PPM1E: variants seen among roughly 807,000 people sequenced by gnomAD.
PPM1E encodes protein phosphatase, Mg2+/Mn2+ dependent 1E, also known as protein phosphatase 1E.
In PPM1E, 20 loss-of-function variants were observed where a neutral mutation model predicts 65.9. That is an observed-to-expected ratio of 0.30 (90% CI 0.21 to 0.44). The LOEUF (loss-of-function observed/expected upper bound fraction) is 0.44, where lower values mean the gene tolerates loss of function less well. PPM1E is among the 20% of genes least tolerant of loss of function. The pLI, the probability that PPM1E is intolerant of heterozygous loss-of-function variation, is 1.00. For missense variants in PPM1E, 713 were observed against 953.1 expected, an observed-to-expected ratio of 0.75 and a Z score of 3.32; for synonymous variants, 352 against 374.9, an observed-to-expected ratio of 0.94 and a Z score of 0.70.
chr17:58,831,720 C>T (rs2050607866), intron 1 of PPM1E, among the ~76,000 whole-genome samples: 1 of 152,202 alleles, frequency 6.6e-6, no homozygotes, highest in Non-Finnish European at 1.5e-5. Flanking sequence ...CCCTATTGGA[C>T]AGTTTGGACT....
At chr17:58,914,907 A>G (rs1361923860) in intron 1 of PPM1E, among the ~76,000 whole-genome samples, 1 of 152,150 alleles carries the variant, frequency 6.6e-6, no homozygotes, top group Non-Finnish European at 1.5e-5. Context: ...CTTAGTACCC[A>G]GGATTGTTAT....
At chr17:58,759,040 C>A (rs2049797288) in intron 1 of PPM1E, among the ~76,000 whole-genome samples, 1 of 152,134 alleles carries the variant, frequency 6.6e-6, no homozygotes, top group African/African-American at 2.4e-5. Context: ...GCTGTCCATT[C>A]CAGCCTGGGT....
rs190269424 is a variant in PPM1E at position 58,936,186 on chromosome 17, T to C, written c.465-19463T>C. 4.2e-3 allele frequency among the ~76,000 whole-genome samples: 634 copies of C among 152,134 alleles called. 20 individuals carry two copies. The highest frequency in any genetic ancestry group is 0.038 in the Admixed American group (585 of 15,266). On this transcript the variant is annotated intron_variant, in intron 1 of 6. Transcript: ENST00000308249. ...GAGGTTGCTATAGAAAGAAAGAAAA[T>C]AGCTTAAATTCAGCCCCAATTTTAA...
intron 2 of PPM1E, among the ~76,000 whole-genome samples, chr17:58,964,387 A>G (rs1394626314): frequency 2.0e-5 from 3 of 152,154 alleles, no homozygotes; most frequent in South Asian, 2.1e-4. Context: ...AGGAAATACA[A>G]TCTCTTCAGT....
intron 2 of PPM1E, among the ~76,000 whole-genome samples, chr17:58,959,556 G>A (rs1304547623): frequency 3.4e-5 from 5 of 145,880 alleles, no homozygotes; most frequent in African/African-American, 5.1e-5. Context: ...CTGAGATCAC[G>A]CCACTGTACT....
chr17:58,843,325 C>CAA (rs1177213005), intron 1 of PPM1E, among the ~76,000 whole-genome samples: 53 of 91,460 alleles, frequency 5.8e-4, no homozygotes, highest in Admixed American at 1.4e-3. Flanking sequence ...GACTCCCTCT[C>CAA]AAAAAAAAAA....
At chr17:58,972,416 T>A (rs2030694230) in intron 5 of PPM1E, 141 bp downstream of exon 5, 1 of 925,532 alleles carries the variant, frequency 1.1e-6, no homozygotes, top group Admixed American at 3.0e-5. Context: ...AATGGTGTGA[T>A]CTTGGCTCAC....
At chr17:58,896,405 T>C (rs2051417297) in intron 1 of PPM1E, among the ~76,000 whole-genome samples, 1 of 151,748 alleles carries the variant, frequency 6.6e-6, no homozygotes, top group African/African-American at 2.4e-5. Context: ...ACCAATATGG[T>C]AAAACCCCGT....
In PPM1E at chr17:58,982,707, A is replaced by G; in HGVS notation, c.*1676A>G. ...AATTTGGATGTAAGTAGAGACTTTCAGTATTTGTTTTCTCTTGATTTTGAA... is the reference window on the plus strand; with the variant it reads ...AATTTGGATGTAAGTAGAGACTTTCGGTATTTGTTTTCTCTTGATTTTGAA... On this transcript the variant is annotated 3_prime_UTR_variant, in exon 7 of 7. Transcript: ENST00000308249. 1 of 509,596 alleles carries G rather than the reference A, an allele frequency of 2.0e-6. No individual in the cohort carries two copies. Among genetic ancestry groups the G allele is most frequent in the Non-Finnish European group, 3.5e-6 (1 of 287,134 alleles). 31.6% of individuals were successfully genotyped at this position (509,596 alleles called of 1,614,324 possible). A position where few individuals can be genotyped will look rare whatever the true frequency, so the allele number is the denominator to read the frequency against.
intron 1 of PPM1E, among the ~76,000 whole-genome samples, chr17:58,924,875 G>C (rs1329576931): frequency 1.3e-5 from 2 of 151,966 alleles, no homozygotes; most frequent in Non-Finnish European, 2.9e-5. Flanking sequence ...ATGGTGTCCA[G>C]CTTCATCCAT....
At chr17:58,783,860 A>G (rs1011858622) in intron 1 of PPM1E, among the ~76,000 whole-genome samples, 1 of 151,788 alleles carries the variant, frequency 6.6e-6, no homozygotes, top group Admixed American at 6.6e-5. Context: ...GGTGACCACC[A>G]CCACGCCCAG....
At chr17:58,842,190 C>T (rs1286181114) in intron 1 of PPM1E, among the ~76,000 whole-genome samples, 3 of 152,058 alleles carry the variant, frequency 2.0e-5, no homozygotes, top group Non-Finnish European at 1.5e-5. Context: ...GTATACCTGA[C>T]CAGAACTCTT....
At chr17:58,833,076 T>A (rs2050620764) in intron 1 of PPM1E, among the ~76,000 whole-genome samples, 1 of 152,004 alleles carries the variant, frequency 6.6e-6, no homozygotes, top group Non-Finnish European at 1.5e-5. Context: ...TTCACCTGCC[T>A]CAGCCTCACA....
chr17:58,977,651 C>T lies in PPM1E; in HGVS notation c.1211-2323C>T, dbSNP rs139309304. 1.5e-3 allele frequency among the ~76,000 whole-genome samples: 236 copies of T among 152,294 alleles called. 3 individuals are homozygous for T. The highest frequency in any genetic ancestry group is 5.5e-3 in the African/African-American group (229 of 41,554). ...TAATCATGCAACCTGCTAGATAGGG[C>T]ATGTGCCCACATTGGTTCTAGCAGA... On this transcript the variant is annotated intron_variant, in intron 6 of 6. Coordinates refer to ENST00000308249, the MANE Select transcript of PPM1E (RefSeq NM_014906.5).
intron 1 of PPM1E, among the ~76,000 whole-genome samples, chr17:58,914,697 T>C (rs910740729): frequency 3.3e-5 from 5 of 152,136 alleles, no homozygotes; most frequent in Non-Finnish European, 5.9e-5. Context: ...ACCAGTGATA[T>C]TATGTTGATA....
intron 1 of PPM1E, among the ~76,000 whole-genome samples, chr17:58,819,168 G>A (rs996617658): frequency 6.6e-6 from 1 of 151,908 alleles, no homozygotes; most frequent in Non-Finnish European, 1.5e-5. Flanking sequence ...TTTTTTTGGA[G>A]ACAGTCTCAC....
At chr17:58,892,586 A>C (rs953736630) in intron 1 of PPM1E, among the ~76,000 whole-genome samples, 1 of 152,160 alleles carries the variant, frequency 6.6e-6, no homozygotes, top group Admixed American at 6.5e-5. Context: ...CAAAAAAATA[A>C]TAATAATAAA....
intron 1 of PPM1E, among the ~76,000 whole-genome samples, chr17:58,763,500 A>G (rs1281586249): frequency 2.0e-5 from 3 of 152,048 alleles, no homozygotes; most frequent in Non-Finnish European, 4.4e-5. Context: ...ACAACTCTAC[A>G]CTATGGACAA....
chr17:58,784,606 T>C (rs2050081298), intron 1 of PPM1E, among the ~76,000 whole-genome samples: 1 of 150,646 alleles, frequency 6.6e-6, no homozygotes, highest in African/African-American at 2.4e-5. Flanking sequence ...CTCACTGCAG[T>C]CTCCGCCTCC....
Sources: allele counts gnomAD v4.1 joint callset (sites outside exome capture counted in the v4.1 genomes callset), GRCh38; gene constraint gnomAD v4.1.1; transcripts MANE v1.5; gene names NCBI Gene and HGNC (gene_info 2026-07-23, HGNC 2026-07-21).